YIPF4: variants seen among roughly 807,000 people sequenced by gnomAD.
YIPF4 encodes the protein protein YIPF4.
YIPF4 carries 18 observed loss-of-function variants against 29.4 expected under a neutral mutation model. That is an observed-to-expected ratio of 0.61 (90% CI 0.42 to 0.91). The LOEUF is 0.91. Among genes scored for constraint, YIPF4 ranks in the 40% least tolerant of loss-of-function variants. The pLI is 0.00. For missense variants in YIPF4, 279 were observed against 282.7 expected (o/e 0.99, Z 0.09); for synonymous variants, 115 against 104.7 (o/e 1.10, Z -0.60).
intron 1 of YIPF4, among the ~76,000 whole-genome samples, chr2:32,285,918 G>A (rs1244464711): frequency 6.6e-6 from 1 of 151,982 alleles, no homozygotes; most frequent in African/African-American, 2.4e-5. Context: ...ATCCATATAG[G>A]TCTAGTCTTA....
Position 32,306,194 on chromosome 2 carries a change from T to C in YIPF4, c.*568T>C. On this transcript the variant is annotated 3_prime_UTR_variant, in exon 6 of 6. Coordinates refer to ENST00000238831, the MANE Select transcript of YIPF4 (RefSeq NM_032312.4). ...TAAAAATTTAAATTTGTTTTTAAAA[T>C]TGTATATAGTTTTTAAAATCTCACA... 1 of 869,004 alleles carries C rather than the reference T, an allele frequency of 1.2e-6. No individual in the cohort carries two copies. The highest frequency in any genetic ancestry group is 1.4e-6 in the Non-Finnish European group (1 of 723,906). The allele number at this position is 869,004 out of a possible 1,614,324, so 53.8% of individuals were successfully genotyped here.
chr2:32,289,794 TAAAAAC>T (rs139055440), intron 1 of YIPF4, among the ~76,000 whole-genome samples: 2,387 of 152,076 alleles, frequency 0.016, 49 homozygotes, highest in African/African-American at 0.055. Context: ...ACCTAAAAAA[TAAAAAC>T]AAAAAGAAAA....
chr2:32,288,003 C>G (rs1251863701), intron 1 of YIPF4, among the ~76,000 whole-genome samples: 1 of 152,202 alleles, frequency 6.6e-6, no homozygotes, highest in Admixed American at 6.5e-5. Context: ...TGTTCTTACT[C>G]TGGTTTAAAT....
At chr2:32,296,319 A>C (rs1327246584) in intron 3 of YIPF4, among the ~76,000 whole-genome samples, 6 of 152,032 alleles carry the variant, frequency 3.9e-5, no homozygotes, top group African/African-American at 1.4e-4. Context: ...TAAAAATACA[A>C]AAATTAGCTG....
In YIPF4 at chr2:32,307,031, G is replaced by A; in HGVS notation, c.*1405G>A. 3.0e-6 allele frequency: 3 copies of A among 1,006,432 alleles called. No homozygotes were observed. Among genetic ancestry groups the A allele is most frequent in the Non-Finnish European group, 2.7e-6 (2 of 753,928 alleles). The allele number at this position is 1,006,432 out of a possible 1,614,324, so 62.3% of individuals were successfully genotyped here. A position where few individuals can be genotyped will look rare whatever the true frequency, so the allele number is the denominator to read the frequency against. On this transcript the variant is annotated 3_prime_UTR_variant, in exon 6 of 6. Coordinates refer to ENST00000238831, the MANE Select transcript of YIPF4 (RefSeq NM_032312.4). ...AAGAAAGAAAAACTTATTTTAAGCT[G>A]CAGAAAAAGTGTGGAGCACTTTTGA...
Position 32,305,477 on chromosome 2 carries a change from C to CT in YIPF4, c.598-5dup, listed in dbSNP as rs777851527. 24 of 1,519,720 alleles carry CT rather than the reference C, an allele frequency of 1.6e-5. No individual in the cohort carries two copies. Among genetic ancestry groups the CT allele is most frequent in the South Asian group, 1.5e-4 (11 of 72,480 alleles). The allele number at this position is 1,519,720 out of a possible 1,614,324, so 94.1% of individuals were successfully genotyped here. ...AATATGCTGCCTTTTGTCTTTTTTC[C>CT]TTTTTTTAAAGCTGTTTGGTGTGTT... On this transcript the variant is annotated splice_polypyrimidine_tract_variant and intron_variant, in intron 5 of 5. Transcript: ENST00000238831.
At chr2:32,296,109 T>C (rs1256597739) in intron 3 of YIPF4, among the ~76,000 whole-genome samples, 1 of 152,226 alleles carries the variant, frequency 6.6e-6, no homozygotes, top group Non-Finnish European at 1.5e-5. Context: ...GTCTCCTACC[T>C]ACCACTGGTT....
At position 32,287,797 on chromosome 2, in the gene YIPF4, T is replaced by A. The variant is rs565174581; in HGVS notation, c.80-2686T>A. 1.1e-4 allele frequency among the ~76,000 whole-genome samples: 16 copies of A among 152,372 alleles called. No homozygotes were observed. The South Asian group carries it at 3.3e-3, about 32-fold the overall frequency. ...GCCAAAACAGCTGTAGAAACATTTTTAAAATTTCCTTTTACAATAGATTTT... is the reference window on the plus strand; with the variant it reads ...GCCAAAACAGCTGTAGAAACATTTTAAAAATTTCCTTTTACAATAGATTTT... On this transcript the variant is annotated intron_variant, in intron 1 of 5. Coordinates refer to ENST00000238831, the MANE Select transcript of YIPF4 (RefSeq NM_032312.4).
chr2:32,290,794 T>A, intron 2 of YIPF4, 158 bp downstream of exon 2: 1 of 392,910 alleles, frequency 2.5e-6, no homozygotes, highest in Non-Finnish European at 4.1e-6. Context: ...GAAATAATAA[T>A]GAGAGAATAT....
intron 3 of YIPF4, 121 bp from the exon 4 acceptor site, chr2:32,298,113 A>C: frequency 2.9e-6 from 2 of 679,670 alleles, no homozygotes; most frequent in Non-Finnish European, 2.6e-6. Flanking sequence ...AGCCCACATA[A>C]TCTCTCTATG....
chr2:32,288,392 G>A (rs1051992834), intron 1 of YIPF4, among the ~76,000 whole-genome samples: 4 of 152,090 alleles, frequency 2.6e-5, no homozygotes, highest in African/African-American at 4.8e-5. Context: ...AGGACTTTAA[G>A]TACAGTCCTT....
rs1016774589 is a variant in YIPF4, at chr2:32,288,956, G to T, written c.80-1527G>T. Among the ~76,000 whole-genome samples the T allele has an allele frequency of 5.3e-5, 8 of 152,204 alleles. No homozygotes were observed. In the South Asian group the frequency reaches 1.0e-3, roughly 20 times the overall value. On this transcript the variant is annotated intron_variant, in intron 1 of 5. Transcript: ENST00000238831. ...CACTCCAGCCTGACAACAGAGTGAG[G>T]CTCTGATACAAAAAAAAGAAGAAAT...
At chr2:32,304,460 C>A (rs1477534967) in intron 5 of YIPF4, among the ~76,000 whole-genome samples, 2 of 151,336 alleles carry the variant, frequency 1.3e-5, no homozygotes, top group African/African-American at 2.4e-5. Context: ...AAAGATGGAC[C>A]AGACCAAATA....
chr2:32,285,142 GAC>G, intron 1 of YIPF4, among the ~76,000 whole-genome samples: 1 of 152,148 alleles, frequency 6.6e-6, no homozygotes, highest in East Asian at 1.9e-4. Context: ...TAAGTGGACA[GAC>G]ATTTAAAAAT....
At position 32,314,193 on chromosome 2, in the gene YIPF4, T is replaced by C. The variant is rs909197821; in HGVS notation, c.*8567T>C. The C allele has an allele frequency of 6.6e-6, 1 of 152,210 alleles. No individual in the cohort carries two copies. The highest frequency in any genetic ancestry group is 1.5e-5 in the Non-Finnish European group (1 of 68,038). The allele number at this position is 152,210 out of a possible 1,614,324, so 9.4% of individuals were successfully genotyped here. ...GGTATAATTACACAATGGAATCTTA[T>C]GCAGCAATGAAAATAAATGAACTAA... is the stretch of plus-strand genomic sequence containing the variant. On this transcript the variant is annotated 3_prime_UTR_variant, in exon 6 of 6. Coordinates refer to ENST00000238831, the MANE Select transcript of YIPF4 (RefSeq NM_032312.4).
chr2:32,285,403 A>G (rs779043557), intron 1 of YIPF4, among the ~76,000 whole-genome samples: 8 of 152,190 alleles, frequency 5.3e-5, no homozygotes, highest in African/African-American at 1.2e-4. Flanking sequence ...ACTGGACTCA[A>G]TATATTGCAT....
At chr2:32,303,783 CT>C (rs997455535) in intron 5 of YIPF4, among the ~76,000 whole-genome samples, 2 of 152,126 alleles carry the variant, frequency 1.3e-5, no homozygotes, top group South Asian at 2.1e-4. Flanking sequence ...ACCCTAAAGC[CT>C]TTTTTTGAAA....
chr2:32,297,799 C>G (rs2031252927), intron 3 of YIPF4, among the ~76,000 whole-genome samples: 1 of 152,036 alleles, frequency 6.6e-6, no homozygotes, highest in East Asian at 1.9e-4. Context: ...ATTGTTACAC[C>G]AAGTTTGAGG....
intron 1 of YIPF4, among the ~76,000 whole-genome samples, chr2:32,287,815 T>C (rs1265914391): frequency 6.6e-6 from 1 of 152,248 alleles, no homozygotes; most frequent in Non-Finnish European, 1.5e-5. Flanking sequence ...CCTTTTACAA[T>C]AGATTTTTTA....
Sources: gnomAD v4.1 joint callset for allele counts (sites outside exome capture counted in the v4.1 genomes callset) on GRCh38, gnomAD v4.1.1 for gene constraint, MANE v1.5 for transcripts, NCBI Gene and HGNC (gene_info 2026-07-23, HGNC 2026-07-21) for gene names.